B3GLCT: variants seen among roughly 807,000 people sequenced by gnomAD.
The protein encoded by B3GLCT is beta 3-glucosyltransferase, also known as beta-1,3-glucosyltransferase.
Under a neutral mutation model 63.4 loss-of-function variants are expected in B3GLCT, and 65 were observed. The observed-to-expected ratio is 1.03, with a 90% CI of 0.84 to 1.26. B3GLCT has a LOEUF of 1.26. Among genes scored for constraint, B3GLCT ranks in the 50% most tolerant of loss-of-function variants. B3GLCT has a pLI of 0.00. For synonymous variants in B3GLCT, 233 were observed against 219.2 expected (o/e 1.06, Z -0.55); for missense variants, 577 against 604.8 (o/e 0.95, Z 0.48).
intron 10 of B3GLCT, among the ~76,000 whole-genome samples, chr13:31,283,862 TC>T (rs1873187985): frequency 6.6e-6 from 1 of 152,226 alleles, no homozygotes; most frequent in Non-Finnish European, 1.5e-5. Flanking sequence ...AAATGTTTTT[TC>T]TATTGAAAAA....
intron 2 of B3GLCT, among the ~76,000 whole-genome samples, chr13:31,216,339 T>G (rs1593250137): frequency 6.6e-6 from 1 of 152,370 alleles, no homozygotes; most frequent in South Asian, 2.1e-4. Context: ...CAGAGAAAAC[T>G]TAGCGTCAGG....
At chr13:31,314,186 G>C (rs1477873640) in intron 12 of B3GLCT, among the ~76,000 whole-genome samples, 1 of 152,192 alleles carries the variant, frequency 6.6e-6, no homozygotes, top group Non-Finnish European at 1.5e-5. Flanking sequence ...GGAAATATGA[G>C]GTCAGAGCCC....
At position 31,331,319 on chromosome 13, in the gene B3GLCT, C is replaced by A. The variant is rs1052288115; in HGVS notation, c.*1651C>A. Reference sequence around the variant, plus strand: ...TTCTGCTCTGGCCTACTAACTGTTACCACTGAGAGAACAACATGTTCATTT... The same window carrying A: ...TTCTGCTCTGGCCTACTAACTGTTAACACTGAGAGAACAACATGTTCATTT... On this transcript the variant is annotated 3_prime_UTR_variant, in exon 15 of 15. Coordinates refer to ENST00000343307, the MANE Select transcript of B3GLCT (RefSeq NM_194318.4). The A allele has an allele frequency of 6.6e-6, 1 of 152,200 alleles. No homozygotes were observed. The highest frequency in any genetic ancestry group is 1.5e-5 in the Non-Finnish European group (1 of 68,050). The allele number at this position is 152,200 out of a possible 1,614,324, so 9.4% of individuals were successfully genotyped here.
rs1440061254 is a variant in B3GLCT at position 31,331,654 on chromosome 13, C to T, written c.*1986C>T. ...ATACAGTTTAAAGAGAGAATAATTA[C>T]TTCAGAGCTACCCTTTTAAGAGAAA... On this transcript the variant is annotated 3_prime_UTR_variant, in exon 15 of 15. Coordinates refer to ENST00000343307, the MANE Select transcript of B3GLCT (RefSeq NM_194318.4). The T allele has an allele frequency of 6.6e-6, 1 of 152,158 alleles. No homozygotes were observed. Among genetic ancestry groups the T allele is most frequent in the Non-Finnish European group, 1.5e-5 (1 of 68,014 alleles). The allele number at this position is 152,158 out of a possible 1,614,324, so 9.4% of individuals were successfully genotyped here. A position where few individuals can be genotyped will look rare whatever the true frequency, so the allele number is the denominator to read the frequency against.
At chr13:31,252,496 T>G (rs961014430) in intron 6 of B3GLCT, among the ~76,000 whole-genome samples, 11 of 151,848 alleles carry the variant, frequency 7.2e-5, no homozygotes, top group Non-Finnish European at 1.6e-4. Context: ...AAGACACACA[T>G]AGGCTCAAAA....
intron 4 of B3GLCT, among the ~76,000 whole-genome samples, chr13:31,237,570 C>A (rs1042442232): frequency 9.2e-5 from 14 of 151,972 alleles, no homozygotes; most frequent in African/African-American, 3.4e-4. Context: ...GGCCAGGCTT[C>A]TCTCGAACTC....
chr13:31,272,406 T>C (rs567790372), intron 8 of B3GLCT, among the ~76,000 whole-genome samples: 12 of 151,926 alleles, frequency 7.9e-5, no homozygotes, highest in Admixed American at 5.9e-4. Context: ...TTAGTAGAGA[T>C]GGGGTTTCAC....
intron 12 of B3GLCT, among the ~76,000 whole-genome samples, chr13:31,292,936 G>C (rs898946359): frequency 6.6e-6 from 1 of 152,056 alleles, no homozygotes; most frequent in Non-Finnish European, 1.5e-5. Flanking sequence ...ACCCTCTCCT[G>C]TGGGCATTTA....
chr13:31,247,509 G>C (rs773882333), intron 5 of B3GLCT, among the ~76,000 whole-genome samples: 1 of 152,200 alleles, frequency 6.6e-6, no homozygotes, highest in African/African-American at 2.4e-5. Context: ...TGTTGACCTT[G>C]TGATCCGTCT....
chr13:31,255,360 A>C (rs572833654), intron 6 of B3GLCT, among the ~76,000 whole-genome samples: 1 of 152,366 alleles, frequency 6.6e-6, no homozygotes, highest in South Asian at 2.1e-4. Flanking sequence ...CAGTATTGTG[A>C]AAATGGCCAT....
chr13:31,247,152 T>C (rs1034044148), intron 5 of B3GLCT, 53 bp downstream of exon 5: 5 of 1,362,138 alleles, frequency 3.7e-6, no homozygotes, highest in Non-Finnish European at 5.3e-6. Flanking sequence ...CTGAACACTT[T>C]TACGCCCTTA....
chr13:31,216,585 A>T (rs919922274), intron 2 of B3GLCT, among the ~76,000 whole-genome samples: 3 of 151,914 alleles, frequency 2.0e-5, no homozygotes, highest in African/African-American at 7.3e-5. Flanking sequence ...TAGTTTTTCA[A>T]TCCTTGCTCT....
chr13:31,280,770 C>T (rs752258940), intron 10 of B3GLCT, among the ~76,000 whole-genome samples: 16 of 152,184 alleles, frequency 1.1e-4, no homozygotes, highest in Non-Finnish European at 1.9e-4. Flanking sequence ...TGGATTCTGA[C>T]TTAAGTGAAA....
chr13:31,292,411 TG>T (rs1181723849), intron 12 of B3GLCT, among the ~76,000 whole-genome samples: 3 of 152,230 alleles, frequency 2.0e-5, no homozygotes, highest in Non-Finnish European at 4.4e-5. Flanking sequence ...GTATCTCTAG[TG>T]GAATTCGGCT....
chr13:31,209,685 A>G (rs765981088), intron 1 of B3GLCT, among the ~76,000 whole-genome samples: 17 of 151,946 alleles, frequency 1.1e-4, no homozygotes, highest in Admixed American at 3.3e-4. Context: ...ACTGCCAGTC[A>G]TTATCATTGT....
chr13:31,252,725 A>G (rs1871493992), intron 6 of B3GLCT, among the ~76,000 whole-genome samples: 1 of 149,734 alleles, frequency 6.7e-6, no homozygotes, highest in Admixed American at 6.6e-5. Context: ...GCAAGCTCTT[A>G]GAGACCTACA....
intron 1 of B3GLCT, among the ~76,000 whole-genome samples, chr13:31,203,221 T>C (rs978151809): frequency 6.6e-6 from 1 of 152,198 alleles, no homozygotes; most frequent in Non-Finnish European, 1.5e-5. Context: ...TAATTCCAGG[T>C]TGTTTTGTGT....
At chr13:31,254,193 C>G (rs1005246897) in intron 6 of B3GLCT, among the ~76,000 whole-genome samples, 3 of 152,168 alleles carry the variant, frequency 2.0e-5, no homozygotes, top group Admixed American at 2.0e-4. Context: ...CAGCATCATC[C>G]TGATACCAAA....
chr13:31,273,828 A>C (rs1872668733), intron 8 of B3GLCT, among the ~76,000 whole-genome samples: 1 of 152,218 alleles, frequency 6.6e-6, no homozygotes, highest in South Asian at 2.1e-4. Flanking sequence ...TTTGGTTGCA[A>C]AATCTAAGAG....
Sources: gnomAD v4.1 joint callset for allele counts (sites outside exome capture counted in the v4.1 genomes callset) on GRCh38, gnomAD v4.1.1 for gene constraint, MANE v1.5 for transcripts, NCBI Gene and HGNC (gene_info 2026-07-23, HGNC 2026-07-21) for gene names.